The following ZDHHC2 variants were observed in gnomAD, a reference collection of about 807,000 sequenced individuals.
The protein encoded by ZDHHC2 is palmitoyltransferase ZDHHC2.
A neutral mutation model predicts 55.6 loss-of-function variants in ZDHHC2; 51 were observed. The observed-to-expected ratio is 0.92, with a 90% confidence interval of 0.73 to 1.16. The LOEUF (loss-of-function observed/expected upper bound fraction) is 1.16, where lower values mean the gene tolerates loss of function less well. ZDHHC2 is among the 50% of genes most tolerant of loss of function. The pLI is 0.00. For synonymous variants in ZDHHC2, 199 were observed against 152.9 expected, an observed-to-expected ratio of 1.30 and a Z score of -2.22; for missense variants, 491 against 442.4, an observed-to-expected ratio of 1.11 and a Z score of -0.99.
chr8:17,194,887 GGT>G (rs1285872648), intron 3 of ZDHHC2, among the ~76,000 whole-genome samples: 1 of 151,938 alleles, frequency 6.6e-6, no homozygotes, highest in African/African-American at 2.4e-5. Context: ...AATTTATACA[GGT>G]GTATGTGTGT....
chr8:17,209,909 A>C (rs1222512597), intron 8 of ZDHHC2, 23 bp from the exon 9 acceptor site: 1 of 1,597,020 alleles, frequency 6.3e-7, no homozygotes, highest in African/African-American at 1.3e-5. Flanking sequence ...TACTCATGTG[A>C]TTCCTTTACC....
intron 1 of ZDHHC2, among the ~76,000 whole-genome samples, chr8:17,163,522 A>G (rs1563431713): frequency 6.6e-6 from 1 of 152,126 alleles, no homozygotes; most frequent in East Asian, 1.9e-4. Flanking sequence ...TTTATGTTTT[A>G]TCTTGATGGA....
chr8:17,167,921 T>G (rs191530530), intron 1 of ZDHHC2, among the ~76,000 whole-genome samples: 60 of 152,272 alleles, frequency 3.9e-4, no homozygotes, highest in African/African-American at 1.4e-3. Context: ...TCCGTTTTAG[T>G]AGGTTTCAGA....
chr8:17,209,939 C>A lies in ZDHHC2; in HGVS notation c.738C>A (p.Phe246Leu). The A allele has an allele frequency of 1.2e-6, 2 of 1,606,798 alleles. No individual in the cohort carries two copies. The highest frequency in any genetic ancestry group is 1.7e-6 in the Non-Finnish European group (2 of 1,176,918). Reference sequence around the variant, plus strand: ...TTTACCATCTTTTTTTAGAGGCATTCAGAAGTCCAGTATTTCGACATGGAA... The same window carrying A: ...TTTACCATCTTTTTTTAGAGGCATTAAGAAGTCCAGTATTTCGACATGGAA... ...VSKNKSTLEA[F>L]RSPVFRHGTD... The change falls in exon 9 of 13, where the codon TTC becomes TTA. Residue 246 changes from phenylalanine to leucine, a missense_variant. Phe to Leu is a conservative substitution (Grantham distance 22). Coordinates refer to ENST00000262096, the MANE Select transcript of ZDHHC2 (RefSeq NM_016353.5).
chr8:17,223,723 G>C lies in ZDHHC2; in HGVS notation c.*3502G>C, dbSNP rs190663234. The C allele has an allele frequency of 6.6e-6, 1 of 151,856 alleles. No individual in the cohort carries two copies. The highest frequency in any genetic ancestry group is 2.4e-5 in the African/African-American group (1 of 41,528). 9.4% of individuals were successfully genotyped at this position (151,856 alleles called of 1,614,324 possible). A position where few individuals can be genotyped will look rare whatever the true frequency, so the allele number is the denominator to read the frequency against. ...TTAAGTAGAAGCCAACATTAACCTA[G>C]ATTTTACAACTGAGCAATCTGTTCC... On this transcript the variant is annotated 3_prime_UTR_variant, in exon 13 of 13. Transcript: ENST00000262096.
At chr8:17,199,692 T>C (rs1209668541) in intron 6 of ZDHHC2, among the ~76,000 whole-genome samples, 4 of 148,298 alleles carry the variant, frequency 2.7e-5, no homozygotes, top group African/African-American at 7.3e-5. Flanking sequence ...TCTTTTCTTC[T>C]TTCTCCTTCT....
chr8:17,207,731 A>G (rs188972744), intron 7 of ZDHHC2, among the ~76,000 whole-genome samples: 1 of 152,146 alleles, frequency 6.6e-6, no homozygotes, highest in Admixed American at 6.5e-5. Flanking sequence ...AACACAGTTT[A>G]TATTCCAAAT....
In ZDHHC2 at chr8:17,156,858, G is replaced by A; in HGVS notation, c.130+5G>A. 3.4e-6 allele frequency: 5 copies of A among 1,492,432 alleles called. No individual in the cohort carries two copies. Among genetic ancestry groups the A allele is most frequent in the Non-Finnish European group, 4.5e-6 (5 of 1,119,976 alleles). 92.4% of individuals were successfully genotyped at this position (1,492,432 alleles called of 1,614,324 possible). On this transcript the variant is annotated splice_donor_5th_base_variant and intron_variant, in intron 1 of 12. Transcript: ENST00000262096. ...ACGCCATCCAGCTGTGCATAGGTGA[G>A]TGCGCCCCCCGCCGCGGCGCCCCCA...
rs1289466686 is a variant in ZDHHC2, at chr8:17,210,459, G to T, written c.929G>T (p.Gly310Val). 2.5e-6 allele frequency: 4 copies of T among 1,608,850 alleles called. No individual in the cohort carries two copies. The highest frequency in any genetic ancestry group is 4.5e-5 in the East Asian group (2 of 44,690). Residue 310 changes from glycine to valine, a missense_variant, in exon 10 of 13, where the codon GGG (glycine) becomes GTG (valine). Transcript: ENST00000262096. Reference sequence around the variant, plus strand: ...CCTGAACAAGCATCTACTCCTGCAGGGCTGAATTCCACAGCTAAAAAGTAA... The same window carrying T: ...CCTGAACAAGCATCTACTCCTGCAGTGCTGAATTCCACAGCTAAAAAGTAA... ...QDPEQASTPA[G>V]LNSTAKNLEN...
At chr8:17,174,013 T>A (rs1018543069) in intron 1 of ZDHHC2, among the ~76,000 whole-genome samples, 2 of 151,830 alleles carry the variant, frequency 1.3e-5, no homozygotes, top group African/African-American at 4.8e-5. Context: ...AGGTGGTCGC[T>A]GCAAGCAAAG....
At chr8:17,175,720 C>G (rs1302288739) in intron 1 of ZDHHC2, among the ~76,000 whole-genome samples, 1 of 147,680 alleles carries the variant, frequency 6.8e-6, no homozygotes, top group Non-Finnish European at 1.5e-5. Flanking sequence ...ACACAGGATT[C>G]AAACCTCAGT....
intron 8 of ZDHHC2, 36 bp from the exon 9 acceptor site, chr8:17,209,896 C>T: frequency 1.3e-6 from 2 of 1,574,668 alleles, no homozygotes; most frequent in Non-Finnish European, 1.7e-6. Context: ...TAAATATGTT[C>T]TTTACTCATG....
At chr8:17,218,564 A>G (rs1280385205) in intron 12 of ZDHHC2, among the ~76,000 whole-genome samples, 2 of 152,156 alleles carry the variant, frequency 1.3e-5, no homozygotes, top group African/African-American at 4.8e-5. Flanking sequence ...GTGGTTATTT[A>G]TCTCCAACAC....
chr8:17,205,820 G>T lies in ZDHHC2; in HGVS notation c.597+45G>T, dbSNP rs111526154. 996 of 1,540,656 alleles carry T rather than the reference G, an allele frequency of 6.5e-4. 10 individuals carry two copies. In the African/African-American group the frequency reaches 0.012, roughly 19 times the overall value. ...ACTCTTTTTTTGGTATACAATAATA[G>T]ATAATATAGGCTTTTCAGAACAGAA... is the stretch of plus-strand genomic sequence containing the variant. On this transcript the variant is annotated intron_variant, in intron 7 of 12. Coordinates refer to ENST00000262096, the MANE Select transcript of ZDHHC2 (RefSeq NM_016353.5).
chr8:17,209,721 T>C (rs1175115450), intron 8 of ZDHHC2, among the ~76,000 whole-genome samples: 1 of 152,206 alleles, frequency 6.6e-6, no homozygotes, highest in African/African-American at 2.4e-5. Flanking sequence ...TAAAAAGGCA[T>C]ATTTTAAAAT....
chr8:17,219,781 AAAAAC>A (rs577708100), intron 12 of ZDHHC2, among the ~76,000 whole-genome samples: 4 of 152,138 alleles, frequency 2.6e-5, no homozygotes, highest in South Asian at 2.1e-4. Context: ...CCCTGTCTCA[AAAAAC>A]AAAACAAAAC....
intron 1 of ZDHHC2, 80 bp downstream of exon 1, chr8:17,156,933 G>A (rs895186736): frequency 1.5e-6 from 2 of 1,320,268 alleles, no homozygotes; most frequent in East Asian, 3.3e-5. Flanking sequence ...CCGCTCCTCC[G>A]CTCTCGCCCC....
rs148798560 is a variant in ZDHHC2, at chr8:17,217,027, A to T, written c.1064-145A>T. 771 of 681,752 alleles carry T rather than the reference A, an allele frequency of 1.1e-3. 16 individuals carry two copies. In the East Asian group the frequency reaches 0.02, roughly 18 times the overall value. 42.2% of individuals were successfully genotyped at this position (681,752 alleles called of 1,614,324 possible). A position where few individuals can be genotyped will look rare whatever the true frequency, so the allele number is the denominator to read the frequency against. On this transcript the variant is annotated intron_variant, in intron 11 of 12. Coordinates refer to ENST00000262096, the MANE Select transcript of ZDHHC2 (RefSeq NM_016353.5). Reference sequence around the variant, plus strand: ...GTATAACGGGTGTGTGTGTGTTTCTATATCACCATCTTATATATACCCTTA... The same window carrying T: ...GTATAACGGGTGTGTGTGTGTTTCTTTATCACCATCTTATATATACCCTTA...
chr8:17,199,795 TG>T (rs1432895493), intron 6 of ZDHHC2, among the ~76,000 whole-genome samples: 1 of 148,390 alleles, frequency 6.7e-6, no homozygotes, highest in Non-Finnish European at 1.5e-5. Context: ...AGTCTCGCTC[TG>T]TCGCCCAGGC....
Sources: allele counts gnomAD v4.1 joint callset (sites outside exome capture counted in the v4.1 genomes callset), GRCh38; gene constraint gnomAD v4.1.1; transcripts MANE v1.5; gene names NCBI Gene and HGNC (gene_info 2026-07-23, HGNC 2026-07-21).